PXT1: variants seen among roughly 807,000 people sequenced by gnomAD.
PXT1 encodes the protein peroxisomal testis enriched protein 1.
Under a neutral mutation model 11.0 loss-of-function variants are expected in PXT1, and 11 were observed. That is an observed-to-expected ratio of 1.00 (90% CI 0.63 to 1.66). The LOEUF is 1.66. Among genes scored for constraint, PXT1 ranks in the 40% most tolerant of loss-of-function variants. The pLI is 0.00. For missense variants in PXT1, 141 were observed against 155.5 expected (o/e 0.91, Z 0.49); for synonymous variants, 43 against 51.4 (o/e 0.84, Z 0.70).
At chr6:36,413,962 G>A (rs1164979680) in intron 3 of PXT1, among the ~76,000 whole-genome samples, 1 of 152,198 alleles carries the variant, frequency 6.6e-6, no homozygotes, top group African/African-American at 2.4e-5. Flanking sequence ...TTACGTCACT[G>A]CACTCAAGCC....
rs143113160 is a variant in PXT1 at position 36,432,165 on chromosome 6, A to C, written c.-9-6074T>G. ...ACCTAACCTAGTCTAGATGGTCAGGAAGGACTCATCTAGGAATGATGTTTA... is the reference window on the plus strand; with the variant it reads ...ACCTAACCTAGTCTAGATGGTCAGGCAGGACTCATCTAGGAATGATGTTTA... On this transcript the variant is annotated intron_variant, in intron 2 of 4. Coordinates refer to ENST00000454782, the MANE Select transcript of PXT1 (RefSeq NM_152990.4). Among the ~76,000 whole-genome samples the C allele has an allele frequency of 4.6e-5, 7 of 152,298 alleles. No homozygotes were observed. The East Asian group carries it at 1.3e-3, about 29-fold the overall frequency.
chr6:36,431,769 A>AT lies in PXT1; in HGVS notation c.-9-5679_-9-5678insA, dbSNP rs774824576. On this transcript the variant is annotated intron_variant, in intron 2 of 4. Coordinates refer to ENST00000454782, the MANE Select transcript of PXT1 (RefSeq NM_152990.4). ...CAATAGAGTGAGACCCTGCCTAAAAAATATATATCTATCTATCTAAACCAG... is the reference window on the plus strand; with the variant it reads ...CAATAGAGTGAGACCCTGCCTAAAAATATATATATCTATCTATCTAAACCAG... Among the ~76,000 whole-genome samples, 10 of 152,080 alleles carry AT rather than the reference A, an allele frequency of 6.6e-5. No individual in the cohort carries two copies. The East Asian group carries it at 1.4e-3, about 21-fold the overall frequency.
chr6:36,398,260 T>C (rs1427255598), intron 4 of PXT1, among the ~76,000 whole-genome samples: 1 of 152,226 alleles, frequency 6.6e-6, no homozygotes, highest in Non-Finnish European at 1.5e-5. Flanking sequence ...GGAACCCTCA[T>C]ACACTGCTGG....
At chr6:36,393,864 CTTTA>C (rs1774106071) in intron 4 of PXT1, among the ~76,000 whole-genome samples, 1 of 152,118 alleles carries the variant, frequency 6.6e-6, no homozygotes, top group South Asian at 2.1e-4. Context: ...AAACTACATA[CTTTA>C]TTTGTGTAGA....
chr6:36,426,527 C>T (rs879434727), intron 2 of PXT1, among the ~76,000 whole-genome samples: 4 of 151,928 alleles, frequency 2.6e-5, no homozygotes, highest in East Asian at 1.9e-4. Context: ...TGCGCCACCA[C>T]GCCTGGCTAA....
intron 2 of PXT1, among the ~76,000 whole-genome samples, chr6:36,430,688 G>C (rs1282330049): frequency 6.6e-6 from 1 of 152,190 alleles, no homozygotes; most frequent in African/African-American, 2.4e-5. Flanking sequence ...AATTTGTATT[G>C]TATTAAGCCA....
At chr6:36,410,360 G>A (rs1248312577) in intron 3 of PXT1, among the ~76,000 whole-genome samples, 2 of 151,930 alleles carry the variant, frequency 1.3e-5, no homozygotes, top group Non-Finnish European at 2.9e-5. Flanking sequence ...TGAGGCAGGA[G>A]AATCGCTTGA....
chr6:36,431,634 G>A (rs1774695064), intron 2 of PXT1, among the ~76,000 whole-genome samples: 1 of 152,290 alleles, frequency 6.6e-6, no homozygotes, highest in South Asian at 2.1e-4. Flanking sequence ...GGGTGTAGTG[G>A]CATGTGCCTG....
At chr6:36,435,867 A>G (rs1162708980) in intron 2 of PXT1, among the ~76,000 whole-genome samples, 1 of 152,154 alleles carries the variant, frequency 6.6e-6, no homozygotes. Context: ...AACAAGTAAG[A>G]CTAGAATAAA....
chr6:36,415,162 G>A (rs1474948123), intron 3 of PXT1, among the ~76,000 whole-genome samples: 1 of 152,176 alleles, frequency 6.6e-6, no homozygotes, highest in African/African-American at 2.4e-5. Flanking sequence ...AGAATTGCCG[G>A]CCAGGCGCGG....
intron 1 of PXT1, among the ~76,000 whole-genome samples, chr6:36,439,244 C>T (rs941762248): frequency 1.3e-5 from 2 of 151,784 alleles, no homozygotes; most frequent in Non-Finnish European, 2.9e-5. Flanking sequence ...GTGATCCACC[C>T]GCCTTGGCCT....
At chr6:36,417,465 T>C (rs1286895107) in intron 3 of PXT1, among the ~76,000 whole-genome samples, 2 of 149,454 alleles carry the variant, frequency 1.3e-5, no homozygotes, top group Non-Finnish European at 3.0e-5. Flanking sequence ...AACCAAGAGA[T>C]AGCAGCAGGC....
chr6:36,442,182 C>A (rs1774881978), intron 1 of PXT1, among the ~76,000 whole-genome samples: 1 of 152,258 alleles, frequency 6.6e-6, no homozygotes, highest in South Asian at 2.1e-4. Flanking sequence ...GCGCCCACCA[C>A]CACGCCCGGC....
intron 2 of PXT1, among the ~76,000 whole-genome samples, chr6:36,435,034 T>TA (rs1044872565): frequency 2.8e-5 from 4 of 145,084 alleles, no homozygotes; most frequent in Admixed American, 2.7e-4. Context: ...ATATGGACAA[T>TA]AAAAAAGATA....
chr6:36,432,278 G>A (rs1388762991), intron 2 of PXT1, among the ~76,000 whole-genome samples: 1 of 151,938 alleles, frequency 6.6e-6, no homozygotes, highest in Non-Finnish European at 1.5e-5. Flanking sequence ...AACACCAAAT[G>A]CAAAAGCCCA....
intron 2 of PXT1, among the ~76,000 whole-genome samples, chr6:36,434,716 T>C (rs1438269752): frequency 2.0e-5 from 3 of 152,230 alleles, no homozygotes; most frequent in Admixed American, 2.0e-4. Flanking sequence ...CTACAATAGA[T>C]GCTTAAGTAC....
chr6:36,424,588 G>T (rs551793755), intron 3 of PXT1, among the ~76,000 whole-genome samples: 2 of 152,202 alleles, frequency 1.3e-5, no homozygotes, highest in Non-Finnish European at 2.9e-5. Flanking sequence ...ACAGTGAGCC[G>T]AGATCGCGCC....
At position 36,393,833 on chromosome 6, in the gene PXT1, A is replaced by G. The variant is rs891743452; in HGVS notation, c.301-1959T>C. Among the ~76,000 whole-genome samples, 4 of 152,216 alleles carry G rather than the reference A, an allele frequency of 2.6e-5. No individual in the cohort carries two copies. In the East Asian group the frequency reaches 7.7e-4, roughly 29 times the overall value. On this transcript the variant is annotated intron_variant, in intron 4 of 4. Coordinates refer to ENST00000454782, the MANE Select transcript of PXT1 (RefSeq NM_152990.4). The stretch of plus-strand genomic sequence containing the variant: ...CCTTTCCTTGCTTTATTTTTCTCCA[A>G]AGCATGTATCTCTATCTGATAAACT...
At chr6:36,441,086 A>G (rs543148953) in intron 1 of PXT1, among the ~76,000 whole-genome samples, 3 of 151,562 alleles carry the variant, frequency 2.0e-5, no homozygotes, top group African/African-American at 7.3e-5. Context: ...GGGCAACAGA[A>G]TAAGAACTCC....
Sources: allele counts gnomAD v4.1 joint callset (sites outside exome capture counted in the v4.1 genomes callset), GRCh38; gene constraint gnomAD v4.1.1; transcripts MANE v1.5; gene names NCBI Gene and HGNC (gene_info 2026-07-23, HGNC 2026-07-21).